DAB1: variants seen among roughly 807,000 people sequenced by gnomAD.
The protein encoded by DAB1 is DAB adaptor protein 1, also known as disabled homolog 1.
Under a neutral mutation model 64.6 loss-of-function variants are expected in DAB1, and 15 were observed. That is an observed-to-expected ratio of 0.23 (90% CI 0.16 to 0.36). DAB1 has a LOEUF of 0.36. DAB1 is among the 10% of genes least tolerant of loss of function. The pLI, the probability that DAB1 is intolerant of heterozygous loss-of-function variation, is 1.00. For missense variants in DAB1, 596 were observed against 706.7 expected, an observed-to-expected ratio of 0.84 and a Z score of 1.78; for synonymous variants, 235 against 251.9, an observed-to-expected ratio of 0.93 and a Z score of 0.64.
intron 7 of DAB1, among the ~76,000 whole-genome samples, chr1:57,557,740 G>T (rs1645006793): frequency 6.6e-6 from 1 of 152,054 alleles, no homozygotes; most frequent in African/African-American, 2.4e-5. Context: ...ATTCATCGTT[G>T]GTGAGGGGCA....
intron 1 of DAB1, among the ~76,000 whole-genome samples, chr1:57,315,690 G>A (rs1287491929): frequency 6.6e-6 from 1 of 152,144 alleles, no homozygotes; most frequent in East Asian, 1.9e-4. Flanking sequence ...TTTTAGTAGA[G>A]ACGGGGTCTC....
At chr1:57,241,587 A>T (rs1668497901) in intron 2 of DAB1, among the ~76,000 whole-genome samples, 1 of 152,196 alleles carries the variant, frequency 6.6e-6, no homozygotes, top group African/African-American at 2.4e-5. Context: ...TCTTCAGTGC[A>T]TTTGGTCAGC....
chr1:58,497,062 C>T (rs1194154927), intron 3 of DAB1, among the ~76,000 whole-genome samples: 2 of 152,166 alleles, frequency 1.3e-5, no homozygotes, highest in Non-Finnish European at 2.9e-5. Flanking sequence ...CACTATGAAG[C>T]TTAGTTGCAT....
rs552081221 is a variant in DAB1, at chr1:57,283,620, A to G, written c.67+7344T>C. On this transcript the variant is annotated intron_variant, in intron 2 of 14. Coordinates refer to ENST00000371236, the MANE Select transcript of DAB1 (RefSeq NM_001365792.1). ...ATTAGGTAGCCAGCCCAAGATAGGCAAGTAGAAAATGTGCTGAGCCTTGAC... is the reference window on the plus strand; with the variant it reads ...ATTAGGTAGCCAGCCCAAGATAGGCGAGTAGAAAATGTGCTGAGCCTTGAC... Among the ~76,000 whole-genome samples the G allele has an allele frequency of 8.4e-4, 128 of 152,360 alleles. 1 individual carries two copies. Among genetic ancestry groups the G allele is most frequent in the Non-Finnish European group, 1.8e-4 (12 of 68,040 alleles).
chr1:57,018,581 C>T (rs1646508775), intron 11 of DAB1, among the ~76,000 whole-genome samples: 1 of 152,080 alleles, frequency 6.6e-6, no homozygotes, highest in African/African-American at 2.4e-5. Flanking sequence ...GAAGGGGGTG[C>T]TGGGTCTGCA....
intron 5 of DAB1, among the ~76,000 whole-genome samples, chr1:58,076,579 T>C (rs75565527): frequency 0.061 from 9,340 of 152,240 alleles, 360 homozygotes; most frequent in Middle Eastern, 0.092. Flanking sequence ...CAGGAGATGT[T>C]CTCAGAGTTA....
chr1:57,908,734 T>C (rs974297994), intron 5 of DAB1, among the ~76,000 whole-genome samples: 1 of 152,204 alleles, frequency 6.6e-6, no homozygotes, highest in Non-Finnish European at 1.5e-5. Context: ...TTCTGCTTCC[T>C]GCTCCCAGCT....
At chr1:57,315,113 T>C (rs114901261) in intron 1 of DAB1, among the ~76,000 whole-genome samples, 1,526 of 152,270 alleles carry the variant, frequency 0.01, 29 homozygotes, top group African/African-American at 0.036. Flanking sequence ...CTTCAGGGTC[T>C]TTGCAGTTGT....
At chr1:58,009,580 A>C (rs1441859429) in intron 5 of DAB1, among the ~76,000 whole-genome samples, 5 of 152,178 alleles carry the variant, frequency 3.3e-5, no homozygotes, top group Non-Finnish European at 7.4e-5. Context: ...GTATTGTAAG[A>C]AAAAGGCTCT....
rs942897489 is a variant in DAB1 at position 57,148,977 on chromosome 1, C to T, written c.68-3548G>A. 4.6e-5 allele frequency among the ~76,000 whole-genome samples: 7 copies of T among 152,306 alleles called. 1 individual carries two copies. The highest frequency in any genetic ancestry group is 1.7e-4 in the African/African-American group (7 of 41,574). On this transcript the variant is annotated intron_variant, in intron 2 of 14. Transcript: ENST00000371236. ...ACATTTTTGTCATCCCACAAAGAAG[C>T]CCTGTACCCATTAGCTGTCACTCCC...
intron 7 of DAB1, among the ~76,000 whole-genome samples, chr1:57,487,208 T>C (rs1332969853): frequency 6.6e-6 from 1 of 152,172 alleles, no homozygotes; most frequent in Admixed American, 6.5e-5. Context: ...ATATAGTTCC[T>C]CTTAATTCTT....
Position 57,834,200 on chromosome 1 carries a change from G to T in DAB1, n.88-7745C>A, listed in dbSNP as rs544819695. Among the ~76,000 whole-genome samples the T allele has an allele frequency of 2.3e-4, 35 of 152,138 alleles. No homozygotes were observed. The South Asian group carries it at 6.7e-3, about 29-fold the overall frequency. On this transcript the variant is annotated intron_variant and non_coding_transcript_variant, in intron 1 of 1. Transcript: ENST00000477280. Reference sequence around the variant, plus strand: ...TTGCAGTAAATTCACAGTTTTGTCCGCAACACCACAGAGATAAGAAATGGC... The same window carrying T: ...TTGCAGTAAATTCACAGTTTTGTCCTCAACACCACAGAGATAAGAAATGGC...
intron 5 of DAB1, among the ~76,000 whole-genome samples, chr1:57,927,197 A>G (rs974890234): frequency 6.6e-6 from 1 of 152,206 alleles, no homozygotes; most frequent in Non-Finnish European, 1.5e-5. Flanking sequence ...AGACCTTGCT[A>G]ATTCTCTTCA....
chr1:58,319,110 G>T (rs544331852), intron 4 of DAB1, among the ~76,000 whole-genome samples: 1 of 152,210 alleles, frequency 6.6e-6, no homozygotes, highest in East Asian at 1.9e-4. Flanking sequence ...GAACTATAGT[G>T]GGGAGTGGTG....
intron 1 of DAB1, among the ~76,000 whole-genome samples, chr1:57,328,824 T>C (rs1296830498): frequency 1.3e-5 from 2 of 152,204 alleles, no homozygotes; most frequent in Non-Finnish European, 2.9e-5. Flanking sequence ...TGAAATAACA[T>C]CTGCCCATGT....
intron 3 of DAB1, among the ~76,000 whole-genome samples, chr1:58,501,571 C>G (rs1474378278): frequency 6.6e-6 from 1 of 152,194 alleles, no homozygotes; most frequent in Non-Finnish European, 1.5e-5. Flanking sequence ...TCCTGCCCCA[C>G]AGCCTTGTAC....
At chr1:57,348,568 A>T (rs181342497) in intron 1 of DAB1, among the ~76,000 whole-genome samples, 1 of 152,306 alleles carries the variant, frequency 6.6e-6, no homozygotes, top group African/African-American at 2.4e-5. Flanking sequence ...ACTGAGGCAC[A>T]GTTATGTATA....
chr1:57,026,071 A>G, intron 9 of DAB1, 28 bp from the exon 10 acceptor site: 1 of 1,576,042 alleles, frequency 6.3e-7, no homozygotes, highest in Non-Finnish European at 8.7e-7. Context: ...TAATCATGTG[A>G]CTACAAAGAA....
At chr1:57,469,989 A>G (rs1361631066) in intron 7 of DAB1, among the ~76,000 whole-genome samples, 1 of 152,164 alleles carries the variant, frequency 6.6e-6, no homozygotes, top group Non-Finnish European at 1.5e-5. Flanking sequence ...TTAACATCCC[A>G]CACTTGAGGA....
Sources: gnomAD v4.1 joint callset for allele counts (sites outside exome capture counted in the v4.1 genomes callset) on GRCh38, gnomAD v4.1.1 for gene constraint, MANE v1.5 for transcripts, NCBI Gene and HGNC (gene_info 2026-07-23, HGNC 2026-07-21) for gene names.